Variants in CCSER1 observed in about 807,000 individuals in gnomAD.
CCSER1 encodes serine-rich coiled-coil domain-containing protein 1.
Under a neutral mutation model 82.0 loss-of-function variants are expected in CCSER1, and 41 were observed. The observed-to-expected ratio is 0.50, with a 90% CI of 0.39 to 0.65. CCSER1 has a LOEUF of 0.65. CCSER1 is among the 30% of genes least tolerant of loss of function. The pLI is 0.00. For missense variants in CCSER1, 1,119 were observed against 1,064.2 expected (o/e 1.05, Z -0.72); for synonymous variants, 414 against 383.9 (o/e 1.08, Z -0.92).
chr4:90,939,041 G>A (rs553848927), intron 9 of CCSER1, among the ~76,000 whole-genome samples: 2 of 151,966 alleles, frequency 1.3e-5, no homozygotes, highest in East Asian at 3.9e-4. Flanking sequence ...AAGTATTTTT[G>A]TTCACTCTTC....
At chr4:90,176,317 T>A (rs1366082216) in intron 1 of CCSER1, among the ~76,000 whole-genome samples, 1 of 152,006 alleles carries the variant, frequency 6.6e-6, no homozygotes, top group East Asian at 1.9e-4. Context: ...TCAGACAGGC[T>A]AATTTGTAGA....
At chr4:90,973,904 T>G (rs1197094334) in intron 9 of CCSER1, among the ~76,000 whole-genome samples, 1 of 151,570 alleles carries the variant, frequency 6.6e-6, no homozygotes, top group African/African-American at 2.4e-5. Flanking sequence ...TGTAACAACA[T>G]GAATGAACGA....
At chr4:91,121,515 T>G (rs1266001065) in intron 10 of CCSER1, among the ~76,000 whole-genome samples, 3 of 151,642 alleles carry the variant, frequency 2.0e-5, no homozygotes, top group African/African-American at 7.3e-5. Flanking sequence ...AAAATTACAT[T>G]GAGGTAATGC....
intron 1 of CCSER1, among the ~76,000 whole-genome samples, chr4:90,148,478 A>G (rs17016565): frequency 0.28 from 42,962 of 151,956 alleles, 7,679 homozygotes; most frequent in East Asian, 0.65. Context: ...AGAAATGCAT[A>G]TTGTCTAGGA....
intron 4 of CCSER1, among the ~76,000 whole-genome samples, chr4:90,439,959 G>A (rs1399819229): frequency 6.6e-6 from 1 of 151,694 alleles, no homozygotes; most frequent in African/African-American, 2.4e-5. Context: ...AATTGATATA[G>A]ACCCAGGAGT....
chr4:90,165,592 CTT>C (rs1035266058), intron 1 of CCSER1, among the ~76,000 whole-genome samples: 1 of 152,014 alleles, frequency 6.6e-6, no homozygotes, highest in African/African-American at 2.4e-5. Context: ...TAAGAACTCT[CTT>C]TGACTTCATG....
At chr4:91,590,329 T>G (rs73836286) in intron 10 of CCSER1, among the ~76,000 whole-genome samples, 15,134 of 152,198 alleles carry the variant, frequency 0.099, 766 homozygotes, top group Middle Eastern at 0.16. Flanking sequence ...CAGAACCTTT[T>G]GATGTTTCTT....
chr4:91,568,017 T>C (rs1762978928), intron 10 of CCSER1, among the ~76,000 whole-genome samples: 1 of 152,106 alleles, frequency 6.6e-6, no homozygotes, highest in Admixed American at 6.6e-5. Flanking sequence ...TTTCTTTCTA[T>C]ATTTAGTTCT....
intron 10 of CCSER1, among the ~76,000 whole-genome samples, chr4:91,542,480 T>C (rs753272887): frequency 1.3e-5 from 2 of 151,996 alleles, no homozygotes; most frequent in African/African-American, 4.8e-5. Context: ...ATTTATTAAA[T>C]AGGAGATTCT....
intron 8 of CCSER1, among the ~76,000 whole-genome samples, chr4:90,828,756 A>G (rs998870116): frequency 2.6e-5 from 4 of 152,160 alleles, no homozygotes; most frequent in Non-Finnish European, 4.4e-5. Context: ...TTGTTCTCCT[A>G]TAGCCTCAAT....
chr4:90,415,865 G>C (rs529875668), intron 4 of CCSER1, among the ~76,000 whole-genome samples: 37 of 152,320 alleles, frequency 2.4e-4, no homozygotes, highest in African/African-American at 8.7e-4. Context: ...ACACATTTTA[G>C]TGTTACCCAT....
At chr4:91,486,627 A>G (rs897996029) in intron 10 of CCSER1, among the ~76,000 whole-genome samples, 1 of 152,164 alleles carries the variant, frequency 6.6e-6, no homozygotes, top group Admixed American at 6.5e-5. Context: ...TAAAAAACAC[A>G]AATTTAAAAA....
chr4:90,399,920 T>G, intron 3 of CCSER1, 116 bp from the exon 4 acceptor site: 1 of 542,204 alleles, frequency 1.8e-6, no homozygotes, highest in Non-Finnish European at 3.3e-6. Flanking sequence ...TGAGACTCAG[T>G]TAAAACTTTT....
intron 4 of CCSER1, among the ~76,000 whole-genome samples, chr4:90,429,470 G>T (rs976956198): frequency 6.6e-6 from 1 of 151,620 alleles, no homozygotes; most frequent in Admixed American, 6.6e-5. Context: ...AAGGATTAAG[G>T]GTGTAAGTCT....
chr4:90,210,907 T>C (rs1383139710), intron 1 of CCSER1, among the ~76,000 whole-genome samples: 1 of 152,224 alleles, frequency 6.6e-6, no homozygotes, highest in Non-Finnish European at 1.5e-5. Flanking sequence ...TTCACAATTA[T>C]GCTTTATGAT....
chr4:90,629,758 C>G (rs1484748799), intron 6 of CCSER1, among the ~76,000 whole-genome samples: 1 of 152,172 alleles, frequency 6.6e-6, no homozygotes, highest in African/African-American at 2.4e-5. Context: ...TATGCTTATA[C>G]TTGATTACTC....
intron 8 of CCSER1, among the ~76,000 whole-genome samples, chr4:90,896,363 GGA>G (rs1712641958): frequency 6.6e-6 from 1 of 151,930 alleles, no homozygotes; most frequent in African/African-American, 2.4e-5. Flanking sequence ...ATGAGTGTAA[GGA>G]GAGAGGTGAT....
At chr4:91,373,355 A>G (rs1366445836) in intron 10 of CCSER1, among the ~76,000 whole-genome samples, 2 of 151,974 alleles carry the variant, frequency 1.3e-5, no homozygotes, top group African/African-American at 4.8e-5. Flanking sequence ...TGTTAGCACC[A>G]TTTTCCAACA....
chr4:90,466,995 C>T (rs1763729595), intron 4 of CCSER1, among the ~76,000 whole-genome samples: 1 of 152,186 alleles, frequency 6.6e-6, no homozygotes. Flanking sequence ...GTGGTATATT[C>T]ACCAGTGGAA....
Sources: gnomAD v4.1 joint callset for allele counts (sites outside exome capture counted in the v4.1 genomes callset) on GRCh38, gnomAD v4.1.1 for gene constraint, MANE v1.5 for transcripts, NCBI Gene and HGNC (gene_info 2026-07-23, HGNC 2026-07-21) for gene names.